Variants in RERE observed in about 807,000 individuals in gnomAD.
RERE encodes the protein arginine-glutamic acid dipeptide repeats protein.
A neutral mutation model predicts 146.1 loss-of-function variants in RERE; 40 were observed. That is an observed-to-expected ratio of 0.27 (90% CI 0.21 to 0.36). RERE has a LOEUF of 0.36. RERE is among the 10% of genes least tolerant of loss of function. The pLI is 1.00. For missense variants in RERE, 1,933 were observed against 2,138.7 expected (o/e 0.90, Z 1.90); for synonymous variants, 1,003 against 866.0 (o/e 1.16, Z -2.78).
intron 4 of RERE, among the ~76,000 whole-genome samples, chr1:8,584,860 T>C (rs535191244): frequency 1.3e-5 from 2 of 152,228 alleles, no homozygotes; most frequent in South Asian, 4.2e-4. Context: ...AAAGAAGTAA[T>C]TATGAGTCCA....
At chr1:8,775,704 C>G (rs1360648662) in intron 1 of RERE, among the ~76,000 whole-genome samples, 1 of 152,102 alleles carries the variant, frequency 6.6e-6, no homozygotes, top group Non-Finnish European at 1.5e-5. Context: ...AAACAAGTAA[C>G]TAACATAAAA....
chr1:8,724,776 C>T (rs1156441744), intron 1 of RERE, among the ~76,000 whole-genome samples: 1 of 151,102 alleles, frequency 6.6e-6, no homozygotes, highest in African/African-American at 2.4e-5. Flanking sequence ...CTGCAGTGAG[C>T]TGAGATTGCA....
At chr1:8,642,920 C>T (rs1647198843) in intron 2 of RERE, among the ~76,000 whole-genome samples, 1 of 152,206 alleles carries the variant, frequency 6.6e-6, no homozygotes, top group Non-Finnish European at 1.5e-5. Flanking sequence ...TAAGCACTCA[C>T]ATCTAGCAGC....
chr1:8,357,204 AC>A (rs1641330622), intron 20 of RERE, among the ~76,000 whole-genome samples: 1 of 152,278 alleles, frequency 6.6e-6, no homozygotes, highest in Non-Finnish European at 1.5e-5. Flanking sequence ...TGTGCCTGGC[AC>A]ATTCCAGGGG....
chr1:8,798,282 A>G (rs1641517326), intron 1 of RERE, among the ~76,000 whole-genome samples: 1 of 152,130 alleles, frequency 6.6e-6, no homozygotes, highest in Non-Finnish European at 1.5e-5. Flanking sequence ...CTGTAATCCC[A>G]GCTACCTGGG....
In RERE at chr1:8,707,634, T is replaced by G. The variant is rs1639583283; in HGVS notation, c.-144-51193A>C. On this transcript the variant is annotated intron_variant, in intron 1 of 22. Transcript: ENST00000400908. ...GTTACCTGAGACAATCAACATTCTTTCCTATAGCATTATCCAGTACAACCA... is the reference window on the plus strand; with the variant it reads ...GTTACCTGAGACAATCAACATTCTTGCCTATAGCATTATCCAGTACAACCA... 2.0e-5 allele frequency among the ~76,000 whole-genome samples: 3 copies of G among 152,310 alleles called. No homozygotes were observed. In the South Asian group the frequency reaches 6.2e-4, roughly 32 times the overall value.
intron 7 of RERE, among the ~76,000 whole-genome samples, chr1:8,525,490 C>T (rs543239551): frequency 2.6e-5 from 4 of 152,320 alleles, no homozygotes; most frequent in African/African-American, 9.6e-5. Context: ...GATTATACTA[C>T]GAGCCGAAGA....
intron 1 of RERE, among the ~76,000 whole-genome samples, chr1:8,815,082 G>C (rs943938616): frequency 6.6e-6 from 1 of 152,190 alleles, no homozygotes; most frequent in African/African-American, 2.4e-5. Context: ...ACCAGTAGAA[G>C]GTGCTATTCT....
At chr1:8,793,949 C>T (rs796402541) in intron 1 of RERE, among the ~76,000 whole-genome samples, 12 of 152,182 alleles carry the variant, frequency 7.9e-5, no homozygotes, top group African/African-American at 2.9e-4. Context: ...GCCTGTAGTC[C>T]CACCTACTCA....
intron 6 of RERE, among the ~76,000 whole-genome samples, chr1:8,554,360 G>T (rs973250940): frequency 6.6e-6 from 1 of 152,112 alleles, no homozygotes; most frequent in Non-Finnish European, 1.5e-5. Context: ...ACGGAAACAG[G>T]AAGGAAAGAG....
rs755830199 is a variant in RERE, at chr1:8,509,399, G to GCCATCCAT, written c.831-732_831-725dup. Among the ~76,000 whole-genome samples the GCCATCCAT allele has an allele frequency of 8.7e-3, 1,201 of 137,298 alleles. 16 individuals are homozygous for GCCATCCAT. The highest frequency in any genetic ancestry group is 0.027 in the African/African-American group (1,040 of 38,750). The allele number at this position is 137,298 out of a possible 152,430, so 90.1% of individuals were successfully genotyped here. On this transcript the variant is annotated intron_variant, in intron 7 of 22. Transcript: ENST00000400908. ...AAACTTATCCTAGGACATATACTGA[G>GCCATCCAT]CCATCCATCCATCCATCCATCCATC...
intron 10 of RERE, among the ~76,000 whole-genome samples, chr1:8,476,502 A>G (rs537369598): frequency 1.2e-4 from 19 of 152,294 alleles, no homozygotes; most frequent in African/African-American, 4.1e-4. Context: ...AGCTCAGAAA[A>G]GAGGAAAGAC....
chr1:8,582,531 G>A (rs934990355), intron 4 of RERE, among the ~76,000 whole-genome samples: 5 of 151,562 alleles, frequency 3.3e-5, no homozygotes, highest in African/African-American at 9.7e-5. Flanking sequence ...CACCACACTT[G>A]GCTATTATAT....
chr1:8,780,908 C>T (rs1034446694), intron 1 of RERE, among the ~76,000 whole-genome samples: 2 of 152,158 alleles, frequency 1.3e-5, no homozygotes, highest in Admixed American at 6.5e-5. Flanking sequence ...CACTCACAAA[C>T]TTTATTAGCA....
chr1:8,502,586 G>A (rs1029104920), intron 8 of RERE, among the ~76,000 whole-genome samples: 1 of 148,634 alleles, frequency 6.7e-6, no homozygotes. Context: ...TCTGGGAGGT[G>A]TGCCCAGCGG....
chr1:8,507,410 A>C (rs1340275142), intron 8 of RERE, among the ~76,000 whole-genome samples: 2 of 152,158 alleles, frequency 1.3e-5, no homozygotes, highest in Non-Finnish European at 2.9e-5. Context: ...GAAGGAAAAG[A>C]AGTTGTTTAT....
intron 2 of RERE, among the ~76,000 whole-genome samples, chr1:8,643,532 A>G (rs1276689762): frequency 6.6e-6 from 1 of 152,268 alleles, no homozygotes; most frequent in Non-Finnish European, 1.5e-5. Flanking sequence ...CTCAAACCCT[A>G]TGCAACTCTG....
intron 1 of RERE, among the ~76,000 whole-genome samples, chr1:8,715,035 G>A (rs1639737547): frequency 6.6e-6 from 1 of 151,640 alleles, no homozygotes; most frequent in Admixed American, 6.6e-5. Flanking sequence ...TACCACGCCT[G>A]GCTAATTTTT....
rs536516534 is a variant in RERE at position 8,374,040 on chromosome 1, G to C, written c.1285-8066C>G. On this transcript the variant is annotated intron_variant, in intron 12 of 22. Transcript: ENST00000400908. ...ATCACCTCTGTGGTCTCTGAGTGCA[G>C]CAGGGAGAATGATGATCTGCTTGAA... is the stretch of plus-strand genomic sequence containing the variant. Among the ~76,000 whole-genome samples, 47 of 152,344 alleles carry C rather than the reference G, an allele frequency of 3.1e-4. No homozygotes were observed. The South Asian group carries it at 9.5e-3, about 31-fold the overall frequency.
Sources: gnomAD v4.1 joint callset for allele counts (sites outside exome capture counted in the v4.1 genomes callset) on GRCh38, gnomAD v4.1.1 for gene constraint, MANE v1.5 for transcripts, NCBI Gene and HGNC (gene_info 2026-07-23, HGNC 2026-07-21) for gene names.